DPP10: variants seen among roughly 807,000 people sequenced by gnomAD.
The protein encoded by DPP10 is dipeptidyl peptidase like 10.
In DPP10, 33 loss-of-function variants were observed where a neutral mutation model predicts 120.9. The ratio of observed to expected loss-of-function variants is 0.27; its 90% CI spans 0.21 to 0.37. The LOEUF is 0.37. DPP10 is among the 10% of genes least tolerant of loss of function. DPP10 has a pLI of 1.00. For missense variants in DPP10, 816 were observed against 942.8 expected, an observed-to-expected ratio of 0.87 and a Z score of 1.76; for synonymous variants, 337 against 326.1, an observed-to-expected ratio of 1.03 and a Z score of -0.36.
intron 7 of DPP10, among the ~76,000 whole-genome samples, chr2:115,691,580 A>G (rs2091317223): frequency 6.6e-6 from 1 of 152,028 alleles, no homozygotes; most frequent in Non-Finnish European, 1.5e-5. Flanking sequence ...TTAGTGTGCT[A>G]AGACAACAGT....
intron 1 of DPP10, among the ~76,000 whole-genome samples, chr2:115,058,535 G>T (rs1431632715): frequency 3.3e-5 from 5 of 152,110 alleles, no homozygotes; most frequent in Non-Finnish European, 5.9e-5. Context: ...GAGTCGCTGG[G>T]ATTACAGGCA....
chr2:114,824,605 TGTTA>T (rs199689776), intron 1 of DPP10, among the ~76,000 whole-genome samples: 25 of 151,804 alleles, frequency 1.6e-4, no homozygotes, highest in Admixed American at 7.9e-4. Context: ...CAGAGTTCCA[TGTTA>T]GTTTTTTTTT....
At chr2:114,942,022 C>G (rs1214765900) in intron 1 of DPP10, among the ~76,000 whole-genome samples, 7 of 151,674 alleles carry the variant, frequency 4.6e-5, no homozygotes, top group Non-Finnish European at 4.4e-5. Flanking sequence ...GCCTGTAATC[C>G]CAGCATTTTG....
chr2:114,728,029 T>C lies in DPP10; in HGVS notation c.60+285191T>C, dbSNP rs754137423. The stretch of plus-strand genomic sequence containing the variant: ...CTCATTTGTGCTAATAGAGAAGTGG[T>C]AACTGTGTAAATAATAATCAGTGTT... On this transcript the variant is annotated intron_variant, in intron 1 of 25. Coordinates refer to ENST00000410059, the MANE Select transcript of DPP10 (RefSeq NM_020868.6). Among the ~76,000 whole-genome samples the C allele has an allele frequency of 8.8e-4, 134 of 152,222 alleles. 1 individual carries two copies. The highest frequency in any genetic ancestry group is 4.0e-4 in the Non-Finnish European group (27 of 68,038).
intron 1 of DPP10, among the ~76,000 whole-genome samples, chr2:115,016,096 A>G (rs1558994975): frequency 6.6e-6 from 1 of 152,200 alleles, no homozygotes; most frequent in African/African-American, 2.4e-5. Flanking sequence ...CTGACTTCAA[A>G]CTATACTACA....
At chr2:115,009,364 G>T (rs1196779208) in intron 1 of DPP10, among the ~76,000 whole-genome samples, 3 of 151,928 alleles carry the variant, frequency 2.0e-5, no homozygotes, top group African/African-American at 7.3e-5. Context: ...TCACTCATGG[G>T]TGGGAATTGA....
At chr2:114,559,487 T>C (rs1302370790) in intron 1 of DPP10, among the ~76,000 whole-genome samples, 1 of 152,230 alleles carries the variant, frequency 6.6e-6, no homozygotes, top group Admixed American at 6.5e-5. Flanking sequence ...CTTCTGACCT[T>C]CAGAGCTGTA....
At chr2:115,641,646 A>G (rs1046742430) in intron 5 of DPP10, among the ~76,000 whole-genome samples, 3 of 152,118 alleles carry the variant, frequency 2.0e-5, no homozygotes, top group African/African-American at 7.2e-5. Flanking sequence ...CCGAAGTGCA[A>G]GCTCAATAAG....
intron 1 of DPP10, among the ~76,000 whole-genome samples, chr2:115,266,417 C>T (rs568535240): frequency 6.6e-6 from 1 of 151,324 alleles, no homozygotes; most frequent in Admixed American, 6.6e-5. Context: ...AAAATTCTAC[C>T]ATGTGTTTTC....
At chr2:115,015,726 T>A (rs1234583826) in intron 1 of DPP10, among the ~76,000 whole-genome samples, 1 of 152,096 alleles carries the variant, frequency 6.6e-6, no homozygotes, top group Non-Finnish European at 1.5e-5. Context: ...GAGAGCCATA[T>A]CACGAGTGAA....
chr2:115,784,618 C>G (rs972577041), intron 17 of DPP10, among the ~76,000 whole-genome samples: 1 of 152,130 alleles, frequency 6.6e-6, no homozygotes, highest in Non-Finnish European at 1.5e-5. Context: ...ACCGCAACCT[C>G]CACCTCCCAG....
intron 1 of DPP10, among the ~76,000 whole-genome samples, chr2:115,070,777 A>C (rs1032532637): frequency 2.6e-5 from 4 of 152,210 alleles, no homozygotes; most frequent in South Asian, 4.1e-4. Flanking sequence ...ATATCATTTT[A>C]ATTCACAACA....
intron 5 of DPP10, among the ~76,000 whole-genome samples, chr2:115,529,177 G>A (rs1488081559): frequency 6.0e-5 from 9 of 149,538 alleles, no homozygotes; most frequent in Middle Eastern, 3.2e-3. Context: ...TTTTTTTTCC[G>A]GTGGGAGGGA....
At chr2:114,521,893 C>T (rs28562844) in intron 1 of DPP10, among the ~76,000 whole-genome samples, 20,662 of 147,650 alleles carry the variant, frequency 0.14, 1,558 homozygotes, top group Middle Eastern at 0.21. Context: ...CTGCAAGCTC[C>T]GCTTCCCGGG....
In DPP10 at chr2:115,006,811, A is replaced by G. The variant is rs1356446684; in HGVS notation, c.61-302428A>G. Among the ~76,000 whole-genome samples the G allele has an allele frequency of 6.6e-5, 10 of 151,868 alleles. No individual in the cohort carries two copies. In the East Asian group the frequency reaches 1.9e-3, roughly 29 times the overall value. ...ACTGTCAACATTAGACAGATCAATG[A>G]GACAGAAAGTCAACAAGGATACCCA... On this transcript the variant is annotated intron_variant, in intron 1 of 25. Coordinates refer to ENST00000410059, the MANE Select transcript of DPP10 (RefSeq NM_020868.6).
At chr2:115,830,743 G>T (rs994558742) in intron 21 of DPP10, among the ~76,000 whole-genome samples, 1 of 152,132 alleles carries the variant, frequency 6.6e-6, no homozygotes, top group Admixed American at 6.5e-5. Flanking sequence ...TGGAGGTAAG[G>T]AAAGGTATCA....
chr2:114,855,326 C>T (rs2106505443), intron 1 of DPP10, among the ~76,000 whole-genome samples: 1 of 152,094 alleles, frequency 6.6e-6, no homozygotes, highest in Non-Finnish European at 1.5e-5. Flanking sequence ...TTTTTAAATT[C>T]CCATGGACTT....
intron 1 of DPP10, among the ~76,000 whole-genome samples, chr2:114,662,831 T>C (rs1427470767): frequency 2.0e-5 from 3 of 152,118 alleles, no homozygotes; most frequent in Admixed American, 1.3e-4. Flanking sequence ...TTTGAGGGCT[T>C]AGGTCCAGAG....
intron 1 of DPP10, among the ~76,000 whole-genome samples, chr2:114,782,188 C>T (rs1054209019): frequency 2.0e-5 from 3 of 151,706 alleles, no homozygotes; most frequent in African/African-American, 7.3e-5. Context: ...TCATACTAGT[C>T]ATGAGAATGG....
Sources: gnomAD v4.1 joint callset for allele counts (sites outside exome capture counted in the v4.1 genomes callset) on GRCh38, gnomAD v4.1.1 for gene constraint, MANE v1.5 for transcripts, NCBI Gene and HGNC (gene_info 2026-07-23, HGNC 2026-07-21) for gene names.